The following NCL variants were observed in gnomAD, a reference collection of about 807,000 sequenced individuals.
NCL encodes the protein nucleolin multifunctional protein.
Under a neutral mutation model 77.7 loss-of-function variants are expected in NCL, and 4 were observed. The observed-to-expected ratio is 0.05, with a 90% CI of 0.03 to 0.12. NCL has a LOEUF of 0.12. Ranked by LOEUF, NCL falls within the 10% of genes least tolerant of loss-of-function variation. The pLI is 1.00. For missense variants in NCL, 763 were observed against 860.9 expected, an observed-to-expected ratio of 0.89 and a Z score of 1.42; for synonymous variants, 344 against 297.8, an observed-to-expected ratio of 1.16 and a Z score of -1.60.
Position 231,455,066 on chromosome 2 carries a change from AAGG to A in NCL, c.*122_*124del. On this transcript the variant is annotated 3_prime_UTR_variant, in exon 14 of 14. Transcript: ENST00000322723. ...TGAAATGTTAACTAGACGGATTTCC[AAGG>A]AGACCACAGGACTGTATACTGTCTT... 9.7e-7 allele frequency: 1 copy of A among 1,031,620 alleles called. No individual in the cohort carries two copies. The highest frequency in any genetic ancestry group is 1.5e-5 in the South Asian group (1 of 67,940). 63.9% of individuals were successfully genotyped at this position (1,031,620 alleles called of 1,614,324 possible).
intron 6 of NCL, among the ~76,000 whole-genome samples, chr2:231,459,665 G>A (rs547970718): frequency 1.1e-4 from 16 of 151,998 alleles, no homozygotes; most frequent in African/African-American, 2.2e-4. Context: ...CCAGCACTTC[G>A]AGAGGCCGAG....
At chr2:231,457,450 G>A (rs775675284) in intron 9 of NCL, 193 bp downstream of exon 9, 5 of 765,468 alleles carry the variant, frequency 6.5e-6, no homozygotes, top group Non-Finnish European at 1.1e-5. Flanking sequence ...AATGCAAAAT[G>A]ATTTTAGAGC....
chr2:231,463,178 G>T, intron 2 of NCL, 22 bp downstream of exon 2: 1 of 1,495,862 alleles, frequency 6.7e-7, no homozygotes, highest in Non-Finnish European at 9.2e-7. Context: ...ACATAATTCT[G>T]CATTAAGTTG....
chr2:231,457,764 T>C lies in NCL; in HGVS notation c.1326A>G (p.Ala442=), dbSNP rs376801137. The C allele has an allele frequency of 6.2e-7, 1 of 1,612,262 alleles. No homozygotes were observed. Among genetic ancestry groups the C allele is most frequent in the African/African-American group, 1.3e-5 (1 of 74,900 alleles). Residue 442 remains alanine (A), a synonymous_variant, in exon 9 of 14, where the codon GCA becomes GCG. Coordinates refer to ENST00000322723, the MANE Select transcript of NCL (RefSeq NM_005381.3). ...CCTGCTTTTCTTCAAAGGTTTTCTC[T>C]GCATCAGCTTCTGTCTTAAATTCAA... is the stretch of plus-strand genomic sequence containing the variant. The part of the protein sequence containing the change: ...AYIEFKTEAD[A]EKTFEEKQGT...
chr2:231,463,627 TACTTTATTCTACC>T (rs1263074306), intron 1 of NCL: 1 of 324,042 alleles, frequency 3.1e-6, no homozygotes, highest in Non-Finnish European at 5.7e-6. Flanking sequence ...CAAATCCCGG[TACTTTATTCTACC>T]ACCCTCATCT....
At position 231,460,721 on chromosome 2, in the gene NCL, A is replaced by T. The variant is rs201535423; in HGVS notation, c.759T>A (p.Asp253Glu). 10 of 1,611,402 alleles carry T rather than the reference A, an allele frequency of 6.2e-6. No homozygotes were observed. The highest frequency in any genetic ancestry group is 8.5e-6 in the Non-Finnish European group (10 of 1,177,934). The change falls in exon 4 of 14, where the codon GAT becomes GAA. Residue 253 changes from aspartate (D) to glutamate (E), a missense_variant. Asp to Glu is a conservative substitution (Grantham distance 45). Transcript: ENST00000322723. ...CATCATCTTCATCATCATCATCTTC[A>T]TCATCTTCGTCGTCGTCGTCATCCT... ...EDEDDDDDED[D>E]EDDDDEDDEE...
chr2:231,455,929 G>A (rs768608724), intron 12 of NCL, 81 bp downstream of exon 12: 76 of 1,603,110 alleles, frequency 4.7e-5, no homozygotes, highest in Non-Finnish European at 6.1e-5. Flanking sequence ...GGAGCTCAAT[G>A]AGAAGACACA....
rs200309016 is a variant in NCL at position 231,457,818 on chromosome 2, G to A, written c.1290-18C>T. The A allele has an allele frequency of 6.3e-7, 1 of 1,580,300 alleles. No homozygotes were observed. Among genetic ancestry groups the A allele is most frequent in the African/African-American group, 1.4e-5 (1 of 73,850 alleles). On this transcript the variant is annotated intron_variant, in intron 8 of 13. Coordinates refer to ENST00000322723, the MANE Select transcript of NCL (RefSeq NM_005381.3). ...AAGCAATCCTGCAATGGAGGGAGAA[G>A]AACTCATGGTTTTTAAAACCATATT...
At position 231,461,598 on chromosome 2, in the gene NCL, C is replaced by T. The variant is rs1692014655; in HGVS notation, c.555G>A (p.Glu185=). ...CTTCGTCATCCTCATCGTCCTCATC[C>T]TCTGAGGCAGGGGCAGCAGCTGCTG... ...MKAAAAAPAS[E]DEDDEDDEDD... is the part of the protein sequence containing the mutation. Residue 185 remains glutamate (E), a synonymous_variant, in exon 3 of 14, where the codon GAG becomes GAA. Transcript: ENST00000322723. 1.2e-6 allele frequency: 2 copies of T among 1,607,286 alleles called. No individual in the cohort carries two copies. Among genetic ancestry groups the T allele is most frequent in the Non-Finnish European group, 8.5e-7 (1 of 1,173,856 alleles).
Position 231,464,479 on chromosome 2 carries a change from G to C in NCL, c.-126C>G, listed in dbSNP as rs1161318952. 6 of 1,347,926 alleles carry C rather than the reference G, an allele frequency of 4.5e-6. No individual in the cohort carries two copies. The highest frequency in any genetic ancestry group is 4.0e-5 in the Admixed American group (2 of 49,840). 83.5% of individuals were successfully genotyped at this position (1,347,926 alleles called of 1,614,324 possible). ...TACACCCGAAGGCCAGCGAGAGCTCGAGACTGAGGCGAAAGACTGAGCCTG... is the reference window on the plus strand; with the variant it reads ...TACACCCGAAGGCCAGCGAGAGCTCCAGACTGAGGCGAAAGACTGAGCCTG... On this transcript the variant is annotated 5_prime_UTR_variant, in exon 1 of 14. Coordinates refer to ENST00000322723, the MANE Select transcript of NCL (RefSeq NM_005381.3).
intron 9 of NCL, chr2:231,457,344 TTTC>T: frequency 1.3e-6 from 1 of 780,576 alleles, no homozygotes; most frequent in Non-Finnish European, 2.2e-6. Flanking sequence ...ACTGGTCTGT[TTTC>T]CTAGAATCAT....
chr2:231,456,651 C>A lies in NCL; in HGVS notation c.1685G>T (p.Gly562Val), dbSNP rs201202820. The change falls in exon 11 of 14, where the codon GGA (glycine) becomes GTA (valine). Residue 562 changes from glycine to valine, a missense_variant. Physicochemically the swap from Gly to Val is moderately radical, Grantham distance 109. Transcript: ENST00000322723. ...CTTACGGCTTCTGGCATTAGGTGATCCCCTGGGTCCTTGCAACTCCAGCCT... is the reference window on the plus strand; with the variant it reads ...CTTACGGCTTCTGGCATTAGGTGATACCCTGGGTCCTTGCAACTCCAGCCT... ...AIRLELQGPR[G>V]SPNARSQPSK... is the part of the protein sequence containing the mutation. The A allele has an allele frequency of 6.2e-7, 1 of 1,614,188 alleles. No individual in the cohort carries two copies. The highest frequency in any genetic ancestry group is 2.2e-5 in the East Asian group (1 of 44,888).
chr2:231,460,120 C>G (rs772531003), intron 6 of NCL, 32 bp downstream of exon 6: 1 of 1,592,894 alleles, frequency 6.3e-7, no homozygotes, highest in East Asian at 2.2e-5. Flanking sequence ...TTAACAGACC[C>G]ACGTGTATGT....
chr2:231,463,983 C>T, intron 1 of NCL: 1 of 512,568 alleles, frequency 2.0e-6, no homozygotes, highest in Non-Finnish European at 2.8e-6. Context: ...GCGGCGCGGC[C>T]CACGTGGCAG....
At chr2:231,460,638 C>A (rs34827637) in intron 4 of NCL, 31 bp downstream of exon 4, 80,619 of 1,614,004 alleles carry the variant, frequency 0.05, 2,194 homozygotes, top group East Asian at 0.058. Context: ...AAACATAACT[C>A]ATGTCGTATG....
intron 1 of NCL, 91 bp downstream of exon 1, chr2:231,464,245 G>A (rs2046979175): frequency 1.3e-6 from 2 of 1,525,578 alleles, no homozygotes; most frequent in African/African-American, 1.4e-5. Context: ...AACGCGCCCG[G>A]GACTGCGCGC....
chr2:231,460,679 CTCT>C lies in NCL; in HGVS notation c.798_800del (p.Glu271del), dbSNP rs750970013. The C allele has an allele frequency of 4.6e-5, 74 of 1,612,916 alleles. No homozygotes were observed. Among genetic ancestry groups the C allele is most frequent in the Non-Finnish European group, 5.4e-5 (64 of 1,179,332 alleles). ...ATCTAATTTAAGTACCTTCCTCCTC[CTCT>C]TCTTCCTCCTCCTCATCATCTTCAT... On this transcript the variant is annotated inframe_deletion, in exon 4 of 14. Transcript: ENST00000322723.
chr2:231,458,878 G>A (rs550650107), intron 7 of NCL, 123 bp downstream of exon 7: 9 of 1,104,840 alleles, frequency 8.1e-6, no homozygotes, highest in Middle Eastern at 3.2e-4. Context: ...ACATTAAGAG[G>A]AAACCAAAGG....
At chr2:231,462,166 G>A (rs2046959213) in intron 2 of NCL, 149 bp from the exon 3 acceptor site, 1 of 1,015,070 alleles carries the variant, frequency 9.9e-7, no homozygotes, top group Admixed American at 1.8e-5. Context: ...CCAGGCTTCT[G>A]TTATGTTGTC....
Sources: gnomAD v4.1 joint callset for allele counts (sites outside exome capture counted in the v4.1 genomes callset) on GRCh38, gnomAD v4.1.1 for gene constraint, MANE v1.5 for transcripts, NCBI Gene and HGNC (gene_info 2026-07-23, HGNC 2026-07-21) for gene names.